The following SIPA1L2 variants were observed in gnomAD, a reference collection of about 807,000 sequenced individuals.
The protein encoded by SIPA1L2 is signal induced proliferation associated 1 like 2.
In SIPA1L2, 56 loss-of-function variants were observed where a neutral mutation model predicts 163.9. The ratio of observed to expected loss-of-function variants is 0.34; its 90% CI spans 0.28 to 0.43. The LOEUF is 0.43. Ranked by LOEUF, SIPA1L2 falls within the 20% of genes least tolerant of loss-of-function variation. SIPA1L2 has a pLI of 1.00. For missense variants in SIPA1L2, 1,974 were observed against 2,193.5 expected (o/e 0.90, Z 2.00); for synonymous variants, 877 against 865.7 (o/e 1.01, Z -0.23).
chr1:232,501,822 C>G (rs1379837053), intron 3 of SIPA1L2, among the ~76,000 whole-genome samples: 1 of 152,180 alleles, frequency 6.6e-6, no homozygotes, highest in Admixed American at 6.5e-5. Context: ...CTACCCTCTT[C>G]CCGTGACCAC....
chr1:232,552,665 C>A (rs1323911108), intron 2 of SIPA1L2, among the ~76,000 whole-genome samples: 1 of 152,122 alleles, frequency 6.6e-6, no homozygotes, highest in African/African-American at 2.4e-5. Context: ...CCACCACACA[C>A]AGCCAATAAG....
chr1:232,607,798 G>A (rs995646142), intron 1 of SIPA1L2, among the ~76,000 whole-genome samples: 1 of 151,064 alleles, frequency 6.6e-6, no homozygotes, highest in Admixed American at 6.6e-5. Flanking sequence ...TCTCATGCCT[G>A]TAATCCCAGC....
intron 16 of SIPA1L2, 103 bp from the exon 17 acceptor site, chr1:232,428,667 A>G (rs992585079): frequency 3.5e-5 from 29 of 820,010 alleles, no homozygotes; most frequent in Non-Finnish European, 5.2e-5. Context: ...AAACGCATAC[A>G]AACACTTCTT....
At chr1:232,481,092 A>G (rs949882583) in intron 6 of SIPA1L2, among the ~76,000 whole-genome samples, 4 of 152,214 alleles carry the variant, frequency 2.6e-5, no homozygotes, top group African/African-American at 7.2e-5. Flanking sequence ...ATTCATCCAA[A>G]AAGTTATATA....
chr1:232,401,109 GTCTCTCTC>G (rs146555118), intron 22 of SIPA1L2, among the ~76,000 whole-genome samples: 2 of 149,846 alleles, frequency 1.3e-5, no homozygotes, highest in Non-Finnish European at 3.0e-5. Flanking sequence ...CAGGGTCCTT[GTCTCTCTC>G]TCTCTCTCTC....
At chr1:232,506,382 T>G (rs1314352600) in intron 3 of SIPA1L2, among the ~76,000 whole-genome samples, 1 of 152,134 alleles carries the variant, frequency 6.6e-6, no homozygotes, top group Non-Finnish European at 1.5e-5. Context: ...GTTCAAGGAT[T>G]TGCCCCAAAT....
chr1:232,474,614 T>C (rs1328177701), intron 7 of SIPA1L2, among the ~76,000 whole-genome samples: 1 of 152,180 alleles, frequency 6.6e-6, no homozygotes, highest in Non-Finnish European at 1.5e-5. Flanking sequence ...GCAAAAAAAT[T>C]TGAAATGTTC....
chr1:232,619,183 T>C (rs1004365836), intron 1 of SIPA1L2, among the ~76,000 whole-genome samples: 24 of 152,232 alleles, frequency 1.6e-4, no homozygotes, highest in Non-Finnish European at 2.9e-5. Context: ...ACAGTTTCCC[T>C]GCACACAAGA....
At chr1:232,420,602 G>C (rs762678326) in intron 18 of SIPA1L2, among the ~76,000 whole-genome samples, 2 of 152,144 alleles carry the variant, frequency 1.3e-5, no homozygotes, top group African/African-American at 2.4e-5. Context: ...TTGGGAGGCC[G>C]AGGCGGGCGG....
chr1:232,485,007 T>A (rs545829859), intron 5 of SIPA1L2, among the ~76,000 whole-genome samples: 2 of 152,328 alleles, frequency 1.3e-5, no homozygotes, highest in South Asian at 4.1e-4. Context: ...AGCAGTCTCA[T>A]CCATATTATT....
At chr1:232,602,643 A>AT (rs113726879) in intron 1 of SIPA1L2, among the ~76,000 whole-genome samples, 26,807 of 152,158 alleles carry the variant, frequency 0.18, 2,662 homozygotes, top group Middle Eastern at 0.3. Flanking sequence ...TCAGAAGGTT[A>AT]TTTAAGCAGG....
At chr1:232,438,362 T>C (rs1022990034) in intron 15 of SIPA1L2, among the ~76,000 whole-genome samples, 1 of 152,208 alleles carries the variant, frequency 6.6e-6, no homozygotes, top group Non-Finnish European at 1.5e-5. Flanking sequence ...ACAGTGGTAG[T>C]TGCTATAAAT....
At chr1:232,461,247 G>A in intron 9 of SIPA1L2, 86 bp from the exon 10 acceptor site, 1 of 1,525,992 alleles carries the variant, frequency 6.6e-7, no homozygotes, top group Non-Finnish European at 8.9e-7. Context: ...GGGCCTCCAT[G>A]CCAGCCCTCT....
chr1:232,550,650 A>G (rs2103132955), intron 2 of SIPA1L2, among the ~76,000 whole-genome samples: 1 of 152,326 alleles, frequency 6.6e-6, no homozygotes, highest in East Asian at 1.9e-4. Context: ...GTTTAATCTC[A>G]CTTAAAGGTA....
chr1:232,437,993 TA>T (rs1247615329), intron 15 of SIPA1L2, among the ~76,000 whole-genome samples: 1 of 152,042 alleles, frequency 6.6e-6, no homozygotes, highest in African/African-American at 2.4e-5. Context: ...CTTGAAGTGC[TA>T]GACTTGTTGT....
At chr1:232,462,140 C>T in intron 9 of SIPA1L2, 2 of 1,221,516 alleles carry the variant, frequency 1.6e-6, no homozygotes, top group Non-Finnish European at 2.4e-6. Context: ...TGGTGGATTG[C>T]ATCCCACTTG....
At chr1:232,505,446 T>C (rs1000979564) in intron 3 of SIPA1L2, among the ~76,000 whole-genome samples, 7 of 152,220 alleles carry the variant, frequency 4.6e-5, no homozygotes, top group Middle Eastern at 3.2e-3. Flanking sequence ...AAAGAAATAT[T>C]AAGTCTTATT....
In SIPA1L2 at chr1:232,606,223, G is replaced by A. The variant is rs1297441055; in HGVS notation, c.-319+23646C>T. ...ATTCACAAAGAGACAATTAGCCTTTGACACTGCACTTAATTTAATAAGCCA... is the reference window on the plus strand; with the variant it reads ...ATTCACAAAGAGACAATTAGCCTTTAACACTGCACTTAATTTAATAAGCCA... On this transcript the variant is annotated intron_variant, in intron 1 of 22. Coordinates refer to ENST00000674635, the MANE Select transcript of SIPA1L2 (RefSeq NM_020808.5). Among the ~76,000 whole-genome samples, 7 of 152,192 alleles carry A rather than the reference G, an allele frequency of 4.6e-5. No homozygotes were observed. The South Asian group carries it at 6.2e-4, about 13-fold the overall frequency.
chr1:232,522,324 C>T (rs1325755040), intron 2 of SIPA1L2, among the ~76,000 whole-genome samples: 1 of 152,278 alleles, frequency 6.6e-6, no homozygotes, highest in African/African-American at 2.4e-5. Context: ...CATGTGTTGA[C>T]CTTCATGTTC....
Sources: gnomAD v4.1 joint callset for allele counts (sites outside exome capture counted in the v4.1 genomes callset) on GRCh38, gnomAD v4.1.1 for gene constraint, MANE v1.5 for transcripts, NCBI Gene and HGNC (gene_info 2026-07-23, HGNC 2026-07-21) for gene names.